GRIK2: variants seen among roughly 807,000 people sequenced by gnomAD.
GRIK2 encodes the protein glutamate ionotropic receptor kainate type subunit 2.
A neutral mutation model predicts 100.3 loss-of-function variants in GRIK2; 32 were observed. The ratio of observed to expected loss-of-function variants is 0.32; its 90% CI spans 0.24 to 0.43. The LOEUF (loss-of-function observed/expected upper bound fraction) is 0.43. Among genes scored for constraint, GRIK2 ranks in the 20% least tolerant of loss-of-function variants. The pLI, the probability that GRIK2 is intolerant of heterozygous loss-of-function variation, is 1.00. For missense variants in GRIK2, 843 were observed against 1,114.9 expected (o/e 0.76, Z 3.47); for synonymous variants, 417 against 389.4 (o/e 1.07, Z -0.83).
chr6:101,429,365 T>C (rs1769245019), intron 2 of GRIK2, among the ~76,000 whole-genome samples: 1 of 152,178 alleles, frequency 6.6e-6, no homozygotes, highest in Non-Finnish European at 1.5e-5. Context: ...TAGAGAGAGA[T>C]GTAGTGCACA....
At chr6:101,822,013 C>A (rs1390773007) in intron 10 of GRIK2, among the ~76,000 whole-genome samples, 2 of 152,054 alleles carry the variant, frequency 1.3e-5, no homozygotes, top group East Asian at 3.9e-4. Flanking sequence ...GCACTATCCA[C>A]AAGCTAATTA....
chr6:101,772,906 G>T (rs773182399), intron 7 of GRIK2, among the ~76,000 whole-genome samples: 11 of 152,014 alleles, frequency 7.2e-5, no homozygotes, highest in Non-Finnish European at 1.6e-4. Flanking sequence ...GTACTCCAAA[G>T]AACTAAATCA....
At chr6:101,661,150 C>T (rs947073541) in intron 4 of GRIK2, among the ~76,000 whole-genome samples, 1 of 152,124 alleles carries the variant, frequency 6.6e-6, no homozygotes, top group South Asian at 2.1e-4. Context: ...GGGCTGCTGC[C>T]TTTCTTTCAG....
chr6:101,997,149 A>C (rs1466745816), intron 14 of GRIK2, among the ~76,000 whole-genome samples: 1 of 152,128 alleles, frequency 6.6e-6, no homozygotes, highest in Non-Finnish European at 1.5e-5. Context: ...GTAAAGAATA[A>C]TTAAGTTTGC....
chr6:101,429,648 C>T (rs1410829096), intron 2 of GRIK2, among the ~76,000 whole-genome samples: 1 of 152,092 alleles, frequency 6.6e-6, no homozygotes, highest in East Asian at 1.9e-4. Flanking sequence ...AAAAATGTAA[C>T]AGACTTCCTG....
In GRIK2 at chr6:101,559,544, T is replaced by A. The variant is rs561857153; in HGVS notation, c.116-62405T>A. 2.0e-5 allele frequency among the ~76,000 whole-genome samples: 3 copies of A among 152,266 alleles called. No individual in the cohort carries two copies. In the South Asian group the frequency reaches 6.2e-4, roughly 32 times the overall value. On this transcript the variant is annotated intron_variant, in intron 2 of 16. Transcript: ENST00000369134. ...ATTATATGTGACAGATTTATTTAAC[T>A]GTAAGTATCTAAAAGACAGGGACTT...
intron 10 of GRIK2, among the ~76,000 whole-genome samples, chr6:101,826,502 T>C (rs182867281): frequency 2.0e-3 from 306 of 152,154 alleles, no homozygotes; most frequent in African/African-American, 5.7e-3. Flanking sequence ...GCAATGACTT[T>C]TGAGCAGTCA....
intron 10 of GRIK2, among the ~76,000 whole-genome samples, chr6:101,847,254 A>G (rs1378544423): frequency 6.6e-6 from 1 of 151,946 alleles, no homozygotes; most frequent in Non-Finnish European, 1.5e-5. Flanking sequence ...TCTGCAACTC[A>G]TTGGTTTCTC....
intron 14 of GRIK2, among the ~76,000 whole-genome samples, chr6:101,971,663 T>C (rs1013804498): frequency 1.3e-5 from 2 of 152,044 alleles, no homozygotes; most frequent in Admixed American, 1.3e-4. Context: ...GTTTTAATTG[T>C]AACTGAAGTT....
At chr6:101,442,442 G>A (rs1367788646) in intron 2 of GRIK2, among the ~76,000 whole-genome samples, 2 of 152,116 alleles carry the variant, frequency 1.3e-5, no homozygotes, top group African/African-American at 2.4e-5. Context: ...TCAGTGCGCC[G>A]GCTGGTTGGA....
intron 8 of GRIK2, among the ~76,000 whole-genome samples, chr6:101,800,396 A>G (rs924536400): frequency 1.3e-5 from 2 of 151,964 alleles, no homozygotes; most frequent in African/African-American, 2.4e-5. Context: ...ATACATGCAT[A>G]TATATACAAA....
At chr6:101,612,990 A>C (rs1159717446) in intron 2 of GRIK2, among the ~76,000 whole-genome samples, 1 of 151,770 alleles carries the variant, frequency 6.6e-6, no homozygotes, top group Non-Finnish European at 1.5e-5. Context: ...AGATTTTAGG[A>C]AGTTGAATAA....
rs1171388475 is a variant in GRIK2 at position 101,487,026 on chromosome 6, G to A, written c.115+87634G>A. 3.4e-5 allele frequency among the ~76,000 whole-genome samples: 5 copies of A among 146,074 alleles called. 1 individual carries two copies. The highest frequency in any genetic ancestry group is 1.3e-4 in the African/African-American group (5 of 38,148). ...CTTTTCAGGCAGTTTCATACATTGG[G>A]GAGAATTTAAGGGAAATAAAGGCTG... is the stretch of plus-strand genomic sequence containing the variant. On this transcript the variant is annotated intron_variant, in intron 2 of 16. Transcript: ENST00000369134.
chr6:101,591,117 T>C (rs1778618538), intron 2 of GRIK2, among the ~76,000 whole-genome samples: 1 of 152,066 alleles, frequency 6.6e-6, no homozygotes, highest in African/African-American at 2.4e-5. Flanking sequence ...TAATGTATTT[T>C]TCAGAATCCT....
At chr6:101,780,880 C>A (rs979932990) in intron 7 of GRIK2, among the ~76,000 whole-genome samples, 3 of 152,144 alleles carry the variant, frequency 2.0e-5, no homozygotes, top group Admixed American at 1.3e-4. Flanking sequence ...TAGAAGCAAA[C>A]TAGAATGTTG....
chr6:101,963,116 G>C (rs1266540330), intron 14 of GRIK2, among the ~76,000 whole-genome samples: 1 of 150,326 alleles, frequency 6.7e-6, no homozygotes, highest in Admixed American at 6.6e-5. Flanking sequence ...TGTCTCTTTT[G>C]TCCTCTCTCC....
chr6:101,788,475 T>G (rs2128406022), intron 7 of GRIK2, among the ~76,000 whole-genome samples: 1 of 152,226 alleles, frequency 6.6e-6, no homozygotes, highest in South Asian at 2.1e-4. Context: ...TTTTTTGTCC[T>G]TGCAATAGTT....
At chr6:101,576,198 G>C (rs575340403) in intron 2 of GRIK2, among the ~76,000 whole-genome samples, 29 of 151,908 alleles carry the variant, frequency 1.9e-4, no homozygotes, top group Admixed American at 1.9e-3. Context: ...GATAAGGAAG[G>C]AAAAACATGT....
At chr6:102,034,538 G>T (rs868351895) in intron 14 of GRIK2, among the ~76,000 whole-genome samples, 4 of 151,440 alleles carry the variant, frequency 2.6e-5, no homozygotes, top group African/African-American at 9.7e-5. Context: ...AGGAGCAGAT[G>T]CTAACGTTTT....
Sources: allele counts gnomAD v4.1 joint callset (sites outside exome capture counted in the v4.1 genomes callset), GRCh38; gene constraint gnomAD v4.1.1; transcripts MANE v1.5; gene names NCBI Gene and HGNC (gene_info 2026-07-23, HGNC 2026-07-21).